Variants in ALDH5A1 observed in about 807,000 individuals in gnomAD.
ALDH5A1 encodes the protein succinate-semialdehyde dehydrogenase, mitochondrial.
Under a neutral mutation model 54.7 loss-of-function variants are expected in ALDH5A1, and 33 were observed. The ratio of observed to expected loss-of-function variants is 0.60; its 90% CI spans 0.46 to 0.81. The LOEUF is 0.81. Ranked by LOEUF, ALDH5A1 falls within the 30% of genes least tolerant of loss-of-function variation. The probability of loss-of-function intolerance (pLI) is 0.00; values close to 1 mark genes in which losing one functional copy is unlikely to be tolerated. For missense variants in ALDH5A1, 657 were observed against 711.0 expected, an observed-to-expected ratio of 0.92 and a Z score of 0.86; for synonymous variants, 294 against 292.7, an observed-to-expected ratio of 1.00 and a Z score of -0.05.
At position 24,522,478 on chromosome 6, in the gene ALDH5A1, C is replaced by CGTGTGTGTGTGT. The variant is rs5874989; in HGVS notation, c.1015-274_1015-263dup. 6.7e-4 allele frequency among the ~76,000 whole-genome samples: 90 copies of CGTGTGTGTGTGT among 134,602 alleles called. 2 individuals carry two copies. Among genetic ancestry groups the CGTGTGTGTGTGT allele is most frequent in the African/African-American group, 1.8e-3 (68 of 37,942 alleles). The allele number at this position is 134,602 out of a possible 152,430, so 88.3% of individuals were successfully genotyped here. On this transcript the variant is annotated intron_variant, in intron 6 of 9. Transcript: ENST00000357578. ...TGGGTGGCTTTTTTTTCTTTTCTTT[C>CGTGTGTGTGTGT]GTGTGTGTGTGTGTGTGTGTGTGTG... is the stretch of plus-strand genomic sequence containing the variant.
rs1220099764 is a variant in ALDH5A1, at chr6:24,518,456, G to A, written c.871-1945G>A. Among the ~76,000 whole-genome samples the A allele has an allele frequency of 6.6e-6, 1 of 152,186 alleles. No homozygotes were observed. Among genetic ancestry groups the A allele is most frequent in the African/African-American group, 2.4e-5 (1 of 41,446 alleles). On this transcript the variant is annotated intron_variant, in intron 5 of 9. Coordinates refer to ENST00000357578, the MANE Select transcript of ALDH5A1 (RefSeq NM_001080.3). This position sits in a 1 kb window ranked among gnomAD's most constrained non-coding sequence, Gnocchi z 4.2. Reference sequence around the variant, plus strand: ...GGTGGAGGGACAGACACCAGAGACAGGACCTGTGCTCAAGGCCAGGTGGAG... The same window carrying A: ...GGTGGAGGGACAGACACCAGAGACAAGACCTGTGCTCAAGGCCAGGTGGAG...
At chr6:24,499,919 G>A (rs13193549) in intron 1 of ALDH5A1, among the ~76,000 whole-genome samples, 49,838 of 151,704 alleles carry the variant, frequency 0.33, 8,537 homozygotes, top group African/African-American at 0.39. Context: ...TCGGCCTCCC[G>A]AAGTGCTGGG....
intron 4 of ALDH5A1, among the ~76,000 whole-genome samples, chr6:24,507,084 A>G (rs984997496): frequency 2.0e-5 from 3 of 152,206 alleles, no homozygotes; most frequent in Non-Finnish European, 4.4e-5. Context: ...AACTACAACC[A>G]TTACATGCTC....
chr6:24,523,060 G>T (rs970314794), intron 7 of ALDH5A1, 135 bp downstream of exon 7: 4 of 829,450 alleles, frequency 4.8e-6, no homozygotes, highest in African/African-American at 1.7e-5. Flanking sequence ...CTAGACAGAA[G>T]GAATAAGCTC....
At position 24,495,136 on chromosome 6, in the gene ALDH5A1, A is replaced by G; in HGVS notation, c.140A>G (p.Tyr47Cys). The G allele has an allele frequency of 5.0e-6, 7 of 1,409,186 alleles. No homozygotes were observed. Among genetic ancestry groups the G allele is most frequent in the Non-Finnish European group, 6.4e-6 (7 of 1,088,828 alleles). 87.3% of individuals were successfully genotyped at this position (1,409,186 alleles called of 1,614,324 possible). A position where few individuals can be genotyped will look rare whatever the true frequency, so the allele number is the denominator to read the frequency against. ...PAPGPAQLRCYAGRLAGLSAA... is the reference protein window; with the variant it reads ...PAPGPAQLRCCAGRLAGLSAA... ...CCCGGCCCGGCCCAGCTCCGCTGCT[A>G]CGCTGGGCGCCTGGCGGGCCTCTCT... The change falls in exon 1 of 10, where the codon TAC becomes TGC. Residue 47 changes from tyrosine to cysteine, a missense_variant. Around this residue, in one of 2 missense-constraint regions of ALDH5A1, gnomAD observed 232 missense variants for 194.6 expected, o/e 1.19. Transcript: ENST00000357578.
Position 24,533,489 on chromosome 6 carries a change from C to CCTT in ALDH5A1, c.1403-17_1403-15dup, listed in dbSNP as rs1454619327. ...TGACTCTTCTAAATGCCATATATGTCCTTTTATCCTGTGACAGGTTATTTT... is the reference window on the plus strand; with the variant it reads ...TGACTCTTCTAAATGCCATATATGTCCTTCTTTTATCCTGTGACAGGTTATTTT... On this transcript the variant is annotated splice_polypyrimidine_tract_variant and intron_variant, in intron 9 of 9. Transcript: ENST00000357578. 2 of 1,612,698 alleles carry CCTT rather than the reference C, an allele frequency of 1.2e-6. No individual in the cohort carries two copies. The highest frequency in any genetic ancestry group is 2.7e-5 in the African/African-American group (2 of 74,888).
At chr6:24,508,752 C>T (rs1399596670) in intron 4 of ALDH5A1, among the ~76,000 whole-genome samples, 2 of 152,254 alleles carry the variant, frequency 1.3e-5, no homozygotes, top group East Asian at 3.9e-4. Flanking sequence ...TAGAAATGTT[C>T]CCTGTTCACC....
In ALDH5A1 at chr6:24,522,862, A is replaced by T. The variant is rs1332470722; in HGVS notation, c.1110A>T (p.Val370=). ...AGGCCATGAAGAAGAACCTGCGCGT[A>T]GGTAATGGATTTGAGGAAGGAACTA... The part of the protein sequence containing the change: ...FAEAMKKNLR[V]GNGFEEGTTQ... The change falls in exon 7 of 10, where the codon GTA becomes GTT. Residue 370 remains valine (V), a synonymous_variant. Transcript: ENST00000357578. 1 of 1,614,212 alleles carries T rather than the reference A, an allele frequency of 6.2e-7. No individual in the cohort carries two copies. The highest frequency in any genetic ancestry group is 2.2e-5 in the East Asian group (1 of 44,888).
rs139876298 is a variant in ALDH5A1 at position 24,501,045 on chromosome 6, C to A, written c.355-1478C>A. Reference sequence around the variant, plus strand: ...TGATACCTTAAGCACTAAGGCAGAGCTAGTAATGCTTTTTTAGTTTCACAG... The same window carrying A: ...TGATACCTTAAGCACTAAGGCAGAGATAGTAATGCTTTTTTAGTTTCACAG... On this transcript the variant is annotated intron_variant, in intron 1 of 9. Coordinates refer to ENST00000357578, the MANE Select transcript of ALDH5A1 (RefSeq NM_001080.3). Among the ~76,000 whole-genome samples the A allele has an allele frequency of 2.7e-3, 407 of 152,234 alleles. 1 individual carries two copies. Among genetic ancestry groups the A allele is most frequent in the Non-Finnish European group, 4.0e-3 (274 of 68,016 alleles).
chr6:24,532,379 A>G lies in ALDH5A1; in HGVS notation c.1402+202A>G, dbSNP rs142868871. Among the ~76,000 whole-genome samples the G allele has an allele frequency of 2.5e-3, 382 of 152,230 alleles. 1 individual carries two copies. Among genetic ancestry groups the G allele is most frequent in the South Asian group, 0.024 (114 of 4,806 alleles). On this transcript the variant is annotated intron_variant, in intron 9 of 9. Transcript: ENST00000357578. ...CTTGTCCCCATGATACACATTTGGGAGCTCTCTAATTACAGCTGTGGGAAG... is the reference window on the plus strand; with the variant it reads ...CTTGTCCCCATGATACACATTTGGGGGCTCTCTAATTACAGCTGTGGGAAG...
chr6:24,524,813 C>T (rs1002134691), intron 7 of ALDH5A1, among the ~76,000 whole-genome samples: 2 of 152,118 alleles, frequency 1.3e-5, no homozygotes, highest in Non-Finnish European at 2.9e-5. Context: ...TAACTCACAC[C>T]GTGCCTTTAT....
At chr6:24,516,219 A>G (rs900198743) in intron 5 of ALDH5A1, among the ~76,000 whole-genome samples, 1 of 151,050 alleles carries the variant, frequency 6.6e-6, no homozygotes, top group Admixed American at 6.6e-5. Context: ...GGCGGATCAC[A>G]AGGTCAGGAG....
intron 7 of ALDH5A1, among the ~76,000 whole-genome samples, chr6:24,524,086 A>G (rs996322558): frequency 1.3e-5 from 2 of 150,468 alleles, no homozygotes; most frequent in African/African-American, 4.9e-5. Context: ...ACTGAGTTCA[A>G]TTGATTCTCC....
In ALDH5A1 at chr6:24,495,060, T is replaced by G; in HGVS notation, c.64T>G (p.Cys22Gly). ...ARRLGSTFPG[C>G]RLRPRAGGLV... ...GCGCCTCGGGTCGACGTTTCCAGGC[T>G]GCCGCCTCCGCCCCCGCGCCGGCGG... The change falls in exon 1 of 10, where the codon TGC becomes GGC. Residue 22 changes from cysteine (C) to glycine (G), a missense_variant. Cys to Gly is a radical substitution (Grantham distance 159). Transcript: ENST00000357578. 1.5e-6 allele frequency: 2 copies of G among 1,345,636 alleles called. No homozygotes were observed. The highest frequency in any genetic ancestry group is 3.0e-5 in the African/African-American group (2 of 66,874). The allele number at this position is 1,345,636 out of a possible 1,614,324, so 83.4% of individuals were successfully genotyped here.
intron 4 of ALDH5A1, 146 bp from the exon 5 acceptor site, chr6:24,515,021 T>G (rs1263031786): frequency 2.6e-6 from 2 of 783,732 alleles, no homozygotes. Context: ...AAACTTCAAA[T>G]ATATTCTTAG....
rs572861590 is a variant in ALDH5A1, at chr6:24,495,364, G to A, written c.354+14G>A. On this transcript the variant is annotated intron_variant, in intron 1 of 9. Transcript: ENST00000357578. ...GTCTCCGCCAAGGTGAGAGAGCCCG[G>A]ATGCAGGGGGCCAGAGCTGGCCGGG... The A allele has an allele frequency of 9.6e-4, 1,465 of 1,531,998 alleles. 3 individuals are homozygous for A. Among genetic ancestry groups the A allele is most frequent in the Middle Eastern group, 4.8e-3 (21 of 4,388 alleles). 94.9% of individuals were successfully genotyped at this position (1,531,998 alleles called of 1,614,324 possible). A position where few individuals can be genotyped will look rare whatever the true frequency, so the allele number is the denominator to read the frequency against.
At position 24,520,442 on chromosome 6, in the gene ALDH5A1, T is replaced by C; in HGVS notation, c.912T>C (p.Ser304=). Residue 304 remains serine, a synonymous_variant, in exon 6 of 10, where the codon TCT becomes TCC. Transcript: ENST00000357578. The stretch of plus-strand genomic sequence containing the variant: ...CAGCAAACTCTGTGAAAAGGGTCTC[T>C]ATGGAGCTGGGCGGCCTTGCTCCAT... ...HHAANSVKRV[S]MELGGLAPFI... 1 of 1,614,188 alleles carries C rather than the reference T, an allele frequency of 6.2e-7. No individual in the cohort carries two copies. The highest frequency in any genetic ancestry group is 8.5e-7 in the Non-Finnish European group (1 of 1,180,032).
intron 1 of ALDH5A1, among the ~76,000 whole-genome samples, chr6:24,500,099 C>T (rs959819743): frequency 6.6e-6 from 1 of 152,224 alleles, no homozygotes; most frequent in Non-Finnish European, 1.5e-5. Flanking sequence ...TGAGCCGCCA[C>T]ACCTGGTCCC....
intron 8 of ALDH5A1, among the ~76,000 whole-genome samples, chr6:24,530,215 C>T (rs1223078395): frequency 2.0e-5 from 3 of 152,064 alleles, no homozygotes; most frequent in Non-Finnish European, 4.4e-5. Context: ...TTCAGATATA[C>T]TCATTCTGGC....
Sources: gnomAD v4.1 joint callset for allele counts (sites outside exome capture counted in the v4.1 genomes callset) on GRCh38, gnomAD v4.1.1 for gene constraint, gnomAD v4.1.1 regional missense constraint, Gnocchi (gnomAD v3.1) non-coding constraint, MANE v1.5 for transcripts, NCBI Gene and HGNC (gene_info 2026-07-23, HGNC 2026-07-21) for gene names.